CCNJL: variants seen among roughly 807,000 people sequenced by gnomAD.
The protein encoded by CCNJL is cyclin-J-like protein.
In CCNJL, 33 loss-of-function variants were observed where a neutral mutation model predicts 33.4. The ratio of observed to expected loss-of-function variants is 0.99; its 90% CI spans 0.75 to 1.32. CCNJL has a LOEUF of 1.32. CCNJL is among the 40% of genes most tolerant of loss of function. The pLI is 0.00. For missense variants in CCNJL, 512 were observed against 499.7 expected, an observed-to-expected ratio of 1.02 and a Z score of -0.23; for synonymous variants, 227 against 220.9, an observed-to-expected ratio of 1.03 and a Z score of -0.24.
rs1026525556 is a variant in CCNJL, at chr5:160,250,529, C to T, written c.*2849G>A. On this transcript the variant is annotated 3_prime_UTR_variant, in exon 6 of 6. Transcript: ENST00000257536. ...AGCAAATGTCTCAGCCCCACAGTGA[C>T]ACCGGCTCTCTGGGGTGGTTCTCCT... 2.6e-5 allele frequency: 4 copies of T among 152,286 alleles called. No homozygotes were observed. The highest frequency in any genetic ancestry group is 5.9e-5 in the Non-Finnish European group (4 of 68,060). The allele number at this position is 152,286 out of a possible 1,614,324, so 9.4% of individuals were successfully genotyped here.
chr5:160,265,540 A>T (rs1270266206), intron 3 of CCNJL, among the ~76,000 whole-genome samples: 1 of 152,142 alleles, frequency 6.6e-6, no homozygotes, highest in Non-Finnish European at 1.5e-5. Context: ...CAGGAGGCTA[A>T]GGCAGAATCG....
intron 1 of CCNJL, among the ~76,000 whole-genome samples, chr5:160,326,279 A>C (rs1335502312): frequency 6.6e-6 from 1 of 152,052 alleles, no homozygotes; most frequent in Non-Finnish European, 1.5e-5. Flanking sequence ...GTTTGAGACC[A>C]GCCTGGCCAA....
intron 3 of CCNJL, among the ~76,000 whole-genome samples, chr5:160,276,824 C>G (rs891220556): frequency 6.6e-6 from 1 of 151,980 alleles, no homozygotes; most frequent in Non-Finnish European, 1.5e-5. Flanking sequence ...TGTTCTGTCA[C>G]CCAGGCTGGA....
At chr5:160,290,274 A>AT (rs370693200) in intron 2 of CCNJL, among the ~76,000 whole-genome samples, 50 of 147,630 alleles carry the variant, frequency 3.4e-4, no homozygotes, top group South Asian at 1.1e-3. Flanking sequence ...TATTTATTTA[A>AT]TTTTTTTTTT....
intron 3 of CCNJL, among the ~76,000 whole-genome samples, chr5:160,265,486 A>G (rs945453239): frequency 2.6e-5 from 4 of 152,062 alleles, no homozygotes; most frequent in African/African-American, 9.7e-5. Flanking sequence ...AAAAATTTAA[A>G]AATTACCCAG....
chr5:160,262,932 C>G (rs1761408264), intron 3 of CCNJL, among the ~76,000 whole-genome samples: 1 of 152,228 alleles, frequency 6.6e-6, no homozygotes, highest in Admixed American at 6.5e-5. Context: ...GCACAGGCAA[C>G]AGATGCCTAG....
chr5:160,326,983 A>G, intron 1 of CCNJL: 1 of 561,108 alleles, frequency 1.8e-6, no homozygotes, highest in Non-Finnish European at 3.4e-6. Context: ...GAAATGAACA[A>G]TGAAGTGAGA....
intron 2 of CCNJL, among the ~76,000 whole-genome samples, chr5:160,286,997 C>T (rs950102208): frequency 6.6e-6 from 1 of 152,124 alleles, no homozygotes; most frequent in Non-Finnish European, 1.5e-5. Context: ...AGAATAAATA[C>T]AGAGTCACTC....
intron 1 of CCNJL, chr5:160,326,921 G>T (rs1763544028): frequency 1.5e-6 from 1 of 651,580 alleles, no homozygotes; most frequent in South Asian, 1.4e-5. Flanking sequence ...CGACCGAGTC[G>T]GATCATGCTA....
chr5:160,292,822 A>G (rs1053732962), intron 2 of CCNJL, among the ~76,000 whole-genome samples: 3 of 152,222 alleles, frequency 2.0e-5, no homozygotes, highest in Non-Finnish European at 4.4e-5. Context: ...GGAAGCTTCA[A>G]AAATTATAAA....
At chr5:160,322,342 G>A (rs1249607033) in intron 1 of CCNJL, among the ~76,000 whole-genome samples, 1 of 152,134 alleles carries the variant, frequency 6.6e-6, no homozygotes, top group African/African-American at 2.4e-5. Flanking sequence ...AGACTTCAAT[G>A]TTGGCTTTGA....
intron 3 of CCNJL, among the ~76,000 whole-genome samples, chr5:160,265,703 A>G (rs1233921802): frequency 4.6e-5 from 7 of 151,694 alleles, no homozygotes; most frequent in Non-Finnish European, 1.0e-4. Flanking sequence ...CTAAAATACA[A>G]AAATCAGCTG....
intron 1 of CCNJL, among the ~76,000 whole-genome samples, chr5:160,323,388 C>T (rs1763498623): frequency 6.6e-6 from 1 of 152,158 alleles, no homozygotes; most frequent in African/African-American, 2.4e-5. Flanking sequence ...AGCCACCGTG[C>T]CTGGCTCAAA....
At chr5:160,301,402 G>A (rs1762916461) in intron 2 of CCNJL, among the ~76,000 whole-genome samples, 1 of 151,758 alleles carries the variant, frequency 6.6e-6, no homozygotes, top group Non-Finnish European at 1.5e-5. Context: ...TGGGACTGAT[G>A]AGGAACTTTC....
chr5:160,297,871 G>A (rs1053483110), intron 2 of CCNJL, among the ~76,000 whole-genome samples: 20 of 152,150 alleles, frequency 1.3e-4, no homozygotes, highest in African/African-American at 4.8e-4. Flanking sequence ...TAACACAAAA[G>A]GAGAGACCGA....
chr5:160,259,815 C>A, intron 3 of CCNJL, 44 bp from the exon 4 acceptor site: 3 of 1,532,408 alleles, frequency 2.0e-6, no homozygotes, highest in Non-Finnish European at 2.7e-6. Flanking sequence ...AAGACATTTA[C>A]CTGAACCCAG....
rs1762350297 is a variant in CCNJL, at chr5:160,284,737, G to C, written c.67-3999C>G. ...GCTTTGCTCATGGAAGGCTCTCAAA[G>C]CCTGAATAAATTACTTCTTCTCCCT... On this transcript the variant is annotated intron_variant, in intron 2 of 5. Coordinates refer to ENST00000257536, the MANE Select transcript of CCNJL (RefSeq NM_001308173.3). 2.0e-5 allele frequency among the ~76,000 whole-genome samples: 3 copies of C among 152,206 alleles called. No individual in the cohort carries two copies. In the South Asian group the frequency reaches 6.2e-4, roughly 31 times the overall value.
chr5:160,305,344 G>A (rs1288809884), intron 2 of CCNJL, among the ~76,000 whole-genome samples: 1 of 152,202 alleles, frequency 6.6e-6, no homozygotes, highest in Non-Finnish European at 1.5e-5. Context: ...AAGCGGGGGG[G>A]CCCTGAGGTG....
At chr5:160,279,380 C>A (rs564978211) in intron 3 of CCNJL, among the ~76,000 whole-genome samples, 1 of 152,326 alleles carries the variant, frequency 6.6e-6, no homozygotes, top group South Asian at 2.1e-4. Flanking sequence ...CATTCCATTC[C>A]TCTGCATTAG....
Sources: gnomAD v4.1 joint callset for allele counts (sites outside exome capture counted in the v4.1 genomes callset) on GRCh38, gnomAD v4.1.1 for gene constraint, MANE v1.5 for transcripts, NCBI Gene and HGNC (gene_info 2026-07-23, HGNC 2026-07-21) for gene names.